The following KTN1 variants were observed in gnomAD, a reference collection of about 807,000 sequenced individuals.
The protein encoded by KTN1 is kinectin 1.
KTN1 carries 130 observed loss-of-function variants against 222.5 expected under a neutral mutation model. The observed-to-expected ratio is 0.58, with a 90% CI of 0.51 to 0.68. The LOEUF is 0.68. Among genes scored for constraint, KTN1 ranks in the 30% least tolerant of loss-of-function variants. The pLI is 0.00. For missense variants in KTN1, 1,508 were observed against 1,500.4 expected (o/e 1.01, Z -0.08); for synonymous variants, 512 against 496.3 (o/e 1.03, Z -0.42).
chr14:55,611,499 G>T (rs1310655909), intron 1 of KTN1, among the ~76,000 whole-genome samples: 1 of 152,108 alleles, frequency 6.6e-6, no homozygotes, highest in Non-Finnish European at 1.5e-5. Context: ...TCATGAGGCT[G>T]ATAGTCACTG....
At chr14:55,584,595 A>G (rs1406786767) in intron 1 of KTN1, among the ~76,000 whole-genome samples, 1 of 152,122 alleles carries the variant, frequency 6.6e-6, no homozygotes, top group Non-Finnish European at 1.5e-5. Flanking sequence ...ATTTTATTTA[A>G]AACTGCACTC....
intron 1 of KTN1, among the ~76,000 whole-genome samples, chr14:55,603,939 T>C (rs182513956): frequency 6.6e-6 from 1 of 152,196 alleles, no homozygotes; most frequent in Non-Finnish European, 1.5e-5. Flanking sequence ...TCATCTTGGC[T>C]CTACCTTTAT....
chr14:55,599,616 C>G (rs1477914687), intron 1 of KTN1, among the ~76,000 whole-genome samples: 1 of 152,090 alleles, frequency 6.6e-6, no homozygotes, highest in Admixed American at 6.5e-5. Flanking sequence ...CTGGGATTAA[C>G]AGGCTCCCGC....
Position 55,629,986 on chromosome 14 carries a change from T to G in KTN1, c.1110T>G (p.Asn370Lys), listed in dbSNP as rs2040331621. 6.2e-7 allele frequency: 1 copy of G among 1,600,098 alleles called. No individual in the cohort carries two copies. Among genetic ancestry groups the G allele is most frequent in the African/African-American group, 1.3e-5 (1 of 74,558 alleles). ...TGATGACAGAGAAAGAAAGAAGCAA[T>G]GTGGTTATAACAAGGATGAAAGATC... ...QEMMTEKERS[N>K]VVITRMKDRI... The change falls in exon 7 of 44, where the codon AAT (asparagine) becomes AAG (lysine). Residue 370 changes from asparagine to lysine, a missense_variant. Transcript: ENST00000395314.
At position 55,634,559 on chromosome 14, in the gene KTN1, T is replaced by C; in HGVS notation, c.1362T>C (p.Asp454=). 4 of 1,613,624 alleles carry C rather than the reference T, an allele frequency of 2.5e-6. No homozygotes were observed. The highest frequency in any genetic ancestry group is 1.7e-6 in the Non-Finnish European group (2 of 1,179,776). ...CAGAACTAAATAAACTACGCCAGGATTATGCTAGGTTGGTGAATGAGCTGA... is the reference window on the plus strand; with the variant it reads ...CAGAACTAAATAAACTACGCCAGGACTATGCTAGGTTGGTGAATGAGCTGA... ...QSAELNKLRQ[D]YARLVNELTE... Residue 454 remains aspartate (D), a synonymous_variant, in exon 9 of 44, where the codon GAT becomes GAC. Transcript: ENST00000395314.
chr14:55,678,591 C>T, intron 42 of KTN1, 147 bp downstream of exon 42: 1 of 612,626 alleles, frequency 1.6e-6, no homozygotes, highest in South Asian at 1.9e-5. Flanking sequence ...GATGTTTGAT[C>T]TCATTTTTGC....
intron 5 of KTN1, among the ~76,000 whole-genome samples, chr14:55,626,926 G>C (rs2039911772): frequency 6.7e-6 from 1 of 150,220 alleles, no homozygotes; most frequent in Non-Finnish European, 1.5e-5. Flanking sequence ...TGCAATCTTT[G>C]CACTTGTTTG....
At chr14:55,659,993 CCTT>C (rs1243793880) in intron 31 of KTN1, among the ~76,000 whole-genome samples, 1 of 152,052 alleles carries the variant, frequency 6.6e-6, no homozygotes, top group African/African-American at 2.4e-5. Flanking sequence ...TTCTAAATCA[CCTT>C]CTATTATGTC....
At position 55,671,797 on chromosome 14, in the gene KTN1, C is replaced by T; in HGVS notation, c.3451C>T (p.Gln1151Ter). The T allele has an allele frequency of 6.2e-7, 1 of 1,609,096 alleles. No homozygotes were observed. Among genetic ancestry groups the T allele is most frequent in the Non-Finnish European group, 8.5e-7 (1 of 1,175,778 alleles). Residue 1151 changes from glutamine (Q) to a stop codon, truncating the protein, a stop_gained, in exon 37 of 44, where the codon CAG becomes TAG. Transcript: ENST00000395314. LOFTEE classifies it high-confidence loss of function. Reference sequence around the variant, plus strand: ...CTTTTGTCTGTAGGAAGGAATTTTACAGAAGCTACAGAGAAGTGTTGAGCA... The same window carrying T: ...CTTTTGTCTGTAGGAAGGAATTTTATAGAAGCTACAGAGAAGTGTTGAGCA... ...SVLAETEGIL[Q>*]KLQRSVEQEE...
At chr14:55,677,951 G>A (rs2046028426) in intron 41 of KTN1, among the ~76,000 whole-genome samples, 1 of 152,190 alleles carries the variant, frequency 6.6e-6, no homozygotes, top group Non-Finnish European at 1.5e-5. Context: ...GCCCGCCTTG[G>A]CCTCCCAAAG....
At chr14:55,658,514 T>C (rs1429932739) in intron 29 of KTN1, 32 bp from the exon 30 acceptor site, 2 of 1,239,850 alleles carry the variant, frequency 1.6e-6, no homozygotes, top group Admixed American at 1.7e-5. Context: ...AAAATCTGTT[T>C]AGATACTGAT....
chr14:55,600,003 T>C (rs1310663430), intron 1 of KTN1, among the ~76,000 whole-genome samples: 2 of 151,964 alleles, frequency 1.3e-5, no homozygotes, highest in African/African-American at 4.8e-5. Context: ...TGGACAAGAA[T>C]TAAAAATTCT....
chr14:55,655,512 A>G (rs1001017943), intron 28 of KTN1, among the ~76,000 whole-genome samples: 2 of 152,220 alleles, frequency 1.3e-5, no homozygotes, highest in African/African-American at 4.8e-5. Context: ...TCCTATCCTG[A>G]GGAAACAGTT....
chr14:55,684,272 A>G lies in KTN1; in HGVS notation c.*169A>G, dbSNP rs1201078277. 1.4e-5 allele frequency: 7 copies of G among 489,114 alleles called. No homozygotes were observed. Among genetic ancestry groups the G allele is most frequent in the Admixed American group, 1.2e-4 (3 of 24,266 alleles). 30.3% of individuals were successfully genotyped at this position (489,114 alleles called of 1,614,324 possible). A position where few individuals can be genotyped will look rare whatever the true frequency, so the allele number is the denominator to read the frequency against. ...ACTGATTTAAAGAAGGAAAAAAAAA[A>G]GCCAACTCTGTAGACACCTTCAGAG... On this transcript the variant is annotated 3_prime_UTR_variant, in exon 44 of 44. Transcript: ENST00000395314.
chr14:55,636,849 T>TC (rs376932864), intron 10 of KTN1, among the ~76,000 whole-genome samples: 1,701 of 151,962 alleles, frequency 0.011, 10 homozygotes, highest in Middle Eastern at 0.02. Context: ...TTTTTTTTTT[T>TC]CCCAAGAAAA....
At chr14:55,647,490 A>T (rs2042482368) in intron 19 of KTN1, among the ~76,000 whole-genome samples, 1 of 151,838 alleles carries the variant, frequency 6.6e-6, no homozygotes, top group Non-Finnish European at 1.5e-5. Flanking sequence ...AAAATTAGCC[A>T]GGCATGGTGG....
chr14:55,651,305 T>C, intron 24 of KTN1: 1 of 455,968 alleles, frequency 2.2e-6, no homozygotes, highest in South Asian at 1.5e-5. Flanking sequence ...TTCAGGAAAG[T>C]CTTCTCCTGA....
rs2141407446 is a variant in KTN1, at chr14:55,679,574, G to C, written c.3958G>C (p.Glu1320Gln). 6.2e-7 allele frequency: 1 copy of C among 1,609,870 alleles called. No individual in the cohort carries two copies. The highest frequency in any genetic ancestry group is 1.3e-5 in the African/African-American group (1 of 74,910). ...TCCATCTTCTTTTTAGGAGTCTTCT[G>C]AGAAGGAGACAATGTCTGTAAGTCT... ...SDVSPETESS[E>Q]KETMSVSLNQ... is the part of the protein sequence containing the mutation. Residue 1320 changes from glutamate (E) to glutamine (Q), a missense_variant, in exon 43 of 44, where the codon GAG (glutamate) becomes CAG (glutamine). Physicochemically the swap from Glu to Gln is conservative, Grantham distance 29 (BLOSUM62 2). Coordinates refer to ENST00000395314, the MANE Select transcript of KTN1 (RefSeq NM_001079521.2).
In KTN1 at chr14:55,628,025, C is replaced by G. The variant is rs368475157; in HGVS notation, c.1077C>G (p.Thr359=). The change falls in exon 6 of 44, where the codon ACC becomes ACG. Residue 359 remains threonine (T), a synonymous_variant. Coordinates refer to ENST00000395314, the MANE Select transcript of KTN1 (RefSeq NM_001079521.2). ...AATKDRCKQL[T]QEMMTEKERS... ...CAAAGGATCGGTGTAAGCAGTTAAC[C>G]CAGGTGAAGACATTCTTATGTACGA... is the stretch of plus-strand genomic sequence containing the variant. The G allele has an allele frequency of 2.5e-6, 4 of 1,589,508 alleles. No homozygotes were observed. The African/African-American group carries it at 5.4e-5, about 21-fold the overall frequency.
Sources: gnomAD v4.1 joint callset for allele counts (sites outside exome capture counted in the v4.1 genomes callset) on GRCh38, gnomAD v4.1.1 for gene constraint, MANE v1.5 for transcripts, NCBI Gene and HGNC (gene_info 2026-07-23, HGNC 2026-07-21) for gene names.